Variants in RBFOX2 observed in about 807,000 individuals in gnomAD.
The protein encoded by RBFOX2 is RNA binding fox-1 homolog 2, also known as RNA binding protein fox-1 homolog 2.
A neutral mutation model predicts 49.1 loss-of-function variants in RBFOX2; 10 were observed. That is an observed-to-expected ratio of 0.20 (90% CI 0.13 to 0.35). RBFOX2 has a LOEUF of 0.35. Ranked by LOEUF, RBFOX2 falls within the 10% of genes least tolerant of loss-of-function variation. The pLI is 1.00. For missense variants in RBFOX2, 323 were observed against 486.9 expected, an observed-to-expected ratio of 0.66 and a Z score of 3.17; for synonymous variants, 183 against 187.4, an observed-to-expected ratio of 0.98 and a Z score of 0.19.
At chr22:35,997,318 TG>T (rs1410255606) in intron 1 of RBFOX2, 1 of 151,900 alleles carries the variant, frequency 6.6e-6, no homozygotes, top group Non-Finnish European at 1.5e-5. Context: ...ATAGAAGAAC[TG>T]CTGCCTTCAG....
chr22:35,887,001 C>T (rs1322855147), intron 1 of RBFOX2, among the ~76,000 whole-genome samples: 5 of 152,152 alleles, frequency 3.3e-5, no homozygotes. Context: ...GTGCTTTGAC[C>T]ACGCTGATTT....
At chr22:35,744,280 A>G in intron 11 of RBFOX2, 31 bp from the exon 14 acceptor site, 5 of 1,589,166 alleles carry the variant, frequency 3.1e-6, no homozygotes, top group Non-Finnish European at 4.3e-6. Context: ...AAAATAATTA[A>G]AAGGTTGATG....
chr22:36,009,666 G>A (rs1166262982), intron 1 of RBFOX2, among the ~76,000 whole-genome samples: 2 of 152,104 alleles, frequency 1.3e-5, no homozygotes, highest in East Asian at 3.9e-4. Flanking sequence ...TGGGATTACA[G>A]GCATGAGCCA....
intron 1 of RBFOX2, among the ~76,000 whole-genome samples, chr22:35,903,714 T>C (rs753209278): frequency 2.0e-4 from 31 of 152,086 alleles, no homozygotes; most frequent in Non-Finnish European, 4.1e-4. Context: ...TCACCCCTCA[T>C]CCCTCACATC....
chr22:35,761,222 T>C, exon 8 of RBFOX2: 3 of 1,613,998 alleles, frequency 1.9e-6, no homozygotes, highest in South Asian at 1.1e-5. Context: ...AATGTAAGTG[T>C]TGATACCCCC....
chr22:36,001,959 G>A (rs2058444065), intron 1 of RBFOX2, among the ~76,000 whole-genome samples: 1 of 152,100 alleles, frequency 6.6e-6, no homozygotes, highest in Non-Finnish European at 1.5e-5. Context: ...AGCTACTTGG[G>A]AGGCTGAGGC....
At chr22:35,840,719 T>C, upstream of RBFOX2, 1 of 653,586 alleles carries the variant, frequency 1.5e-6, no homozygotes, top group Non-Finnish European at 1.9e-6. Context: ...GATGCGATGA[T>C]GGAATTAATT....
chr22:35,929,737 C>T (rs933187222), intron 1 of RBFOX2, among the ~76,000 whole-genome samples: 2 of 152,058 alleles, frequency 1.3e-5, no homozygotes, highest in African/African-American at 2.4e-5. Flanking sequence ...CCTCCTGCCT[C>T]GGCCTCCCAA....
intron 1 of RBFOX2, chr22:35,999,772 C>CT (rs955352363): frequency 4.6e-5 from 7 of 152,020 alleles, no homozygotes; most frequent in African/African-American, 1.7e-4. Context: ...ATAGGTACTA[C>CT]TGTCCATGCT....
intron 6 of RBFOX2, among the ~76,000 whole-genome samples, chr22:35,764,392 G>A (rs1425705781): frequency 6.6e-6 from 1 of 151,968 alleles, no homozygotes; most frequent in Non-Finnish European, 1.5e-5. Flanking sequence ...AGACCATCCT[G>A]GCTAACACGG....
At chr22:35,956,876 A>G (rs1292374056) in intron 1 of RBFOX2, among the ~76,000 whole-genome samples, 1 of 152,196 alleles carries the variant, frequency 6.6e-6, no homozygotes, top group Non-Finnish European at 1.5e-5. Flanking sequence ...CCGAGGATGG[A>G]GAATTAGTAA....
intron 1 of RBFOX2, among the ~76,000 whole-genome samples, chr22:35,920,182 A>C (rs1428578311): frequency 1.3e-5 from 2 of 152,222 alleles, no homozygotes; most frequent in Non-Finnish European, 2.9e-5. Context: ...CTGCTGTAAA[A>C]TGGGGAAAAC....
intron 1 of RBFOX2, among the ~76,000 whole-genome samples, chr22:35,823,634 A>G (rs1954999194): frequency 6.6e-6 from 1 of 152,170 alleles, no homozygotes; most frequent in Non-Finnish European, 1.5e-5. Context: ...TGTTAATTCC[A>G]GTTTCCTGTA....
In RBFOX2 at chr22:35,746,601, C is replaced by T. The variant is rs373876801; in HGVS notation, c.888-40G>A. 3.4e-5 allele frequency: 45 copies of T among 1,341,828 alleles called. No homozygotes were observed. In the African/African-American group the frequency reaches 6.1e-4, roughly 18 times the overall value. 83.1% of individuals were successfully genotyped at this position (1,341,828 alleles called of 1,614,324 possible). The stretch of plus-strand genomic sequence containing the variant: ...AGAACTGACTTTACAGATACCTCTC[C>T]CCCCAGGTGTACAGAAAAACACACA... On this transcript the variant is annotated intron_variant, in intron 9 of 11. Coordinates refer to ENST00000405409, the Ensembl canonical transcript of RBFOX2.
At chr22:35,814,317 C>T (rs2148276762) in intron 1 of RBFOX2, among the ~76,000 whole-genome samples, 1 of 152,126 alleles carries the variant, frequency 6.6e-6, no homozygotes, top group South Asian at 2.1e-4. Context: ...CCTACTTACA[C>T]ACATCCTCTT....
chr22:35,751,448 G>A (rs1465215830), intron 9 of RBFOX2, among the ~76,000 whole-genome samples: 1 of 152,144 alleles, frequency 6.6e-6, no homozygotes, highest in Non-Finnish European at 1.5e-5. Context: ...CAGGTGTGAT[G>A]CTGAAAATCA....
At chr22:35,920,602 A>T (rs2050917788) in intron 1 of RBFOX2, among the ~76,000 whole-genome samples, 1 of 152,140 alleles carries the variant, frequency 6.6e-6, no homozygotes, top group African/African-American at 2.4e-5. Context: ...CTCTGGACAA[A>T]TTGTTTACCC....
chr22:35,844,582 C>G (rs2040926960), upstream of RBFOX2, among the ~76,000 whole-genome samples: 1 of 151,968 alleles, frequency 6.6e-6, no homozygotes, highest in African/African-American at 2.4e-5. Context: ...GCAACCTCCA[C>G]CTCCCAGGTT....
chr22:35,895,788 T>C (rs2047770734), intron 1 of RBFOX2, among the ~76,000 whole-genome samples: 1 of 152,184 alleles, frequency 6.6e-6, no homozygotes, highest in Non-Finnish European at 1.5e-5. Flanking sequence ...CTGTTTCCTC[T>C]ACCAAAAAAT....
Sources: gnomAD v4.1 joint callset for allele counts (sites outside exome capture counted in the v4.1 genomes callset) on GRCh38, gnomAD v4.1.1 for gene constraint, MANE v1.5 for transcripts, NCBI Gene and HGNC (gene_info 2026-07-23, HGNC 2026-07-21) for gene names.